The following UIMC1 variants were observed in gnomAD, a reference collection of about 807,000 sequenced individuals.
UIMC1 encodes BRCA1-A complex subunit RAP80.
In UIMC1, 42 loss-of-function variants were observed where a neutral mutation model predicts 84.9. The ratio of observed to expected loss-of-function variants is 0.49; its 90% CI spans 0.39 to 0.64. The LOEUF is 0.64. Among genes scored for constraint, UIMC1 ranks in the 30% least tolerant of loss-of-function variants. The probability of loss-of-function intolerance (pLI) is 0.00; values close to 1 mark genes in which losing one functional copy is unlikely to be tolerated. For missense variants in UIMC1, 825 were observed against 847.6 expected, an observed-to-expected ratio of 0.97 and a Z score of 0.33; for synonymous variants, 281 against 293.0, an observed-to-expected ratio of 0.96 and a Z score of 0.42.
chr5:176,905,954 A>T, intron 14 of UIMC1, 57 bp downstream of exon 14: 3 of 1,587,010 alleles, frequency 1.9e-6, no homozygotes, highest in Non-Finnish European at 2.6e-6. Context: ...ACACAGGACA[A>T]GGCCTGCACT....
chr5:176,940,143 G>C (rs1243845006), intron 10 of UIMC1, among the ~76,000 whole-genome samples: 1 of 152,132 alleles, frequency 6.6e-6, no homozygotes, highest in African/African-American at 2.4e-5. Flanking sequence ...GAAAATTCAG[G>C]AACAAGCCTG....
chr5:176,976,233 T>G (rs1770048863), intron 2 of UIMC1, among the ~76,000 whole-genome samples: 1 of 152,152 alleles, frequency 6.6e-6, no homozygotes, highest in South Asian at 2.1e-4. Context: ...ATGGATCGCT[T>G]GAACCCAAGA....
intron 14 of UIMC1, chr5:176,905,733 G>C: frequency 4.8e-6 from 3 of 629,872 alleles, no homozygotes; most frequent in Non-Finnish European, 5.4e-6. Flanking sequence ...AGCTGCTTGA[G>C]AATCCAGGTC....
Position 176,982,617 on chromosome 5 carries a change from CTTTTGTCTAGAATAAAAGGACAATAA to C in UIMC1, c.-8-20_-3del, listed in dbSNP as rs751719000. ...AACTTTTTTCTTTCTCCGTGGCATC[CTTTTGTCTAGAATAAAAGGACAATAA>C]TTTTGTCTAGAATAAAAAGATCATA... is the stretch of plus-strand genomic sequence containing the variant. On this transcript the variant is annotated splice_acceptor_variant and splice_polypyrimidine_tract_variant and 5_prime_UTR_variant and intron_variant, in exon 2 of 15. Transcript: ENST00000511320. LOFTEE classifies it low-confidence loss of function (5UTR_SPLICE). 47 of 1,612,306 alleles carry C rather than the reference CTTTTGTCTAGAATAAAAGGACAATAA, an allele frequency of 2.9e-5. No homozygotes were observed. The highest frequency in any genetic ancestry group is 1.6e-4 in the Middle Eastern group (1 of 6,080).
upstream of UIMC1, among the ~76,000 whole-genome samples, chr5:177,008,957 C>G (rs1402438233): frequency 6.6e-6 from 1 of 151,952 alleles, no homozygotes; most frequent in Non-Finnish European, 1.5e-5. Context: ...AGCCAAAGAC[C>G]TGTCTAAGCT....
In UIMC1 at chr5:177,006,641, G is replaced by C. The variant is rs1775313013; in HGVS notation, c.-9+9C>G. The C allele has an allele frequency of 6.6e-6, 1 of 152,274 alleles. No homozygotes were observed. The highest frequency in any genetic ancestry group is 6.5e-5 in the Admixed American group (1 of 15,288). 9.4% of individuals were successfully genotyped at this position (152,274 alleles called of 1,614,324 possible). On this transcript the variant is annotated intron_variant, in intron 1 of 14. Transcript: ENST00000511320. The stretch of plus-strand genomic sequence containing the variant: ...TGGGCGGAGCTGTGCGCAGGCGGCG[G>C]GTACTCACTCGCTGGCGCAGGCCGC...
At chr5:177,009,109 C>T (rs992326388), upstream of UIMC1, among the ~76,000 whole-genome samples, 1 of 151,930 alleles carries the variant, frequency 6.6e-6, no homozygotes. The surrounding 1 kb of genome is among the most constrained non-coding windows in gnomAD (Gnocchi z 4.3). Context: ...TGAGCTCAAG[C>T]TATCCTCCCA....
chr5:176,997,322 G>A (rs991575137), intron 1 of UIMC1, among the ~76,000 whole-genome samples: 9 of 151,708 alleles, frequency 5.9e-5, no homozygotes, highest in South Asian at 2.1e-4. Flanking sequence ...TTTTACCACC[G>A]TTCCCCTCCA....
In UIMC1 at chr5:176,905,408, G is replaced by C. The variant is rs147884049; in HGVS notation, c.2034C>G (p.Pro678=). The change falls in exon 15 of 15, where the codon CCC becomes CCG. Residue 678 remains proline, a synonymous_variant. Coordinates refer to ENST00000511320, the MANE Select transcript of UIMC1 (RefSeq NM_001199298.2). ...CTGAAATGGAAACAAAAGACTTGAC[G>C]GGAGATTCATTTAAGTCACGACGTG... The part of the protein sequence containing the change: ...SFTRRDLNES[P]VKSFVSISEA... The C allele has an allele frequency of 1.2e-6, 2 of 1,614,076 alleles. No individual in the cohort carries two copies. The highest frequency in any genetic ancestry group is 2.2e-5 in the East Asian group (1 of 44,884).
chr5:176,939,895 C>T (rs10516137), intron 10 of UIMC1, among the ~76,000 whole-genome samples: 16,543 of 152,132 alleles, frequency 0.11, 1,685 homozygotes, highest in African/African-American at 0.27. Flanking sequence ...GCCGAGAATA[C>T]AGGGACTTTC....
intron 2 of UIMC1, among the ~76,000 whole-genome samples, chr5:176,977,413 T>C (rs1770270986): frequency 6.6e-6 from 1 of 151,356 alleles, no homozygotes; most frequent in East Asian, 1.9e-4. Context: ...AAAACGTGCG[T>C]TCTTCTCAAG....
intron 10 of UIMC1, among the ~76,000 whole-genome samples, chr5:176,940,336 C>A (rs890160425): frequency 6.6e-6 from 1 of 152,176 alleles, no homozygotes; most frequent in African/African-American, 2.4e-5. Context: ...TCAGTAGAAG[C>A]TATCCTATAC....
chr5:176,998,466 CAA>C (rs35445945), intron 1 of UIMC1, among the ~76,000 whole-genome samples: 1 of 64,400 alleles, frequency 1.6e-5, no homozygotes, highest in African/African-American at 6.6e-5. Flanking sequence ...GACTCTGTCT[CAA>C]AAAAAAAAAA....
chr5:176,923,409 G>A (rs1428116474), intron 10 of UIMC1, among the ~76,000 whole-genome samples: 4 of 152,116 alleles, frequency 2.6e-5, no homozygotes, highest in African/African-American at 9.7e-5. Context: ...AATTAGCTGG[G>A]TGTCGTGGCA....
chr5:176,983,829 G>A (rs1351725048), intron 1 of UIMC1, among the ~76,000 whole-genome samples: 5 of 147,698 alleles, frequency 3.4e-5, no homozygotes, highest in East Asian at 2.0e-4. Context: ...TGTGAGGAGC[G>A]CCTCTGCCCG....
intron 6 of UIMC1, among the ~76,000 whole-genome samples, chr5:176,964,828 G>A (rs1206177722): frequency 6.6e-6 from 1 of 152,092 alleles, no homozygotes; most frequent in Non-Finnish European, 1.5e-5. Flanking sequence ...TTAGCAGTGG[G>A]CTTACAGCCA....
intron 2 of UIMC1, among the ~76,000 whole-genome samples, chr5:176,980,642 GA>G (rs1207598418): frequency 6.6e-6 from 1 of 151,664 alleles, no homozygotes. Flanking sequence ...TTATGGCTTG[GA>G]TTTTTTTTTA....
intron 1 of UIMC1, among the ~76,000 whole-genome samples, chr5:176,991,264 C>T (rs945813121): frequency 6.6e-6 from 1 of 151,928 alleles, no homozygotes; most frequent in Non-Finnish European, 1.5e-5. Context: ...CTGCCTCAGC[C>T]TCCCAAAGTG....
Position 176,930,598 on chromosome 5 carries a change from A to C in UIMC1, c.1597+12737T>G, listed in dbSNP as rs538157079. Among the ~76,000 whole-genome samples the C allele has an allele frequency of 2.3e-4, 35 of 152,380 alleles. 1 individual carries two copies. The Middle Eastern group carries it at 0.01, about 44-fold the overall frequency. The stretch of plus-strand genomic sequence containing the variant: ...TCATAAATGGTAGCTAATGTTGCTT[A>C]ATGTTAAGCATGGCTTATAAAGATG... On this transcript the variant is annotated intron_variant, in intron 10 of 14. Coordinates refer to ENST00000511320, the MANE Select transcript of UIMC1 (RefSeq NM_001199298.2).
Sources: allele counts gnomAD v4.1 joint callset (sites outside exome capture counted in the v4.1 genomes callset), GRCh38; gene constraint gnomAD v4.1.1; non-coding constraint Gnocchi (gnomAD v3.1); transcripts MANE v1.5; gene names NCBI Gene and HGNC (gene_info 2026-07-23, HGNC 2026-07-21).